UNKL: variants seen among roughly 807,000 people sequenced by gnomAD.
UNKL encodes the protein putative E3 ubiquitin-protein ligase UNKL.
A neutral mutation model predicts 78.0 loss-of-function variants in UNKL; 60 were observed. The observed-to-expected ratio is 0.77, with a 90% CI of 0.63 to 0.95. The LOEUF is 0.95. Among genes scored for constraint, UNKL ranks in the 40% least tolerant of loss-of-function variants. The probability of loss-of-function intolerance (pLI) is 0.00; values close to 1 mark genes in which losing one functional copy is unlikely to be tolerated. For synonymous variants in UNKL, 608 were observed against 474.8 expected (o/e 1.28, Z -3.65); for missense variants, 1,159 against 1,045.7 (o/e 1.11, Z -1.49).
intron 10 of UNKL, chr16:1,379,431 C>A (rs2142054135): frequency 1.0e-6 from 1 of 967,344 alleles, no homozygotes; most frequent in Non-Finnish European, 1.2e-6. Context: ...CCGGCAGAGG[C>A]AGGTTCCGAG....
rs759258903 is a variant in UNKL at position 1,394,483 on chromosome 16, G to A, written c.853-268C>T. On this transcript the variant is annotated intron_variant, in intron 6 of 14. Coordinates refer to ENST00000389221, the MANE Select transcript of UNKL (RefSeq NM_001372107.1). ...CCATCACAGGCAAAGTCATTTCCCC[G>A]CTTGATATTTTCTGAAAGATGCACC... 1.3e-5 allele frequency: 8 copies of A among 638,402 alleles called. No homozygotes were observed. The East Asian group carries it at 1.3e-4, about 10-fold the overall frequency. The allele number at this position is 638,402 out of a possible 1,614,324, so 39.5% of individuals were successfully genotyped here. A position where few individuals can be genotyped will look rare whatever the true frequency, so the allele number is the denominator to read the frequency against.
intron 9 of UNKL, among the ~76,000 whole-genome samples, chr16:1,386,110 G>A (rs2036802176): frequency 6.6e-6 from 1 of 152,208 alleles, no homozygotes; most frequent in Non-Finnish European, 1.5e-5. Flanking sequence ...TCAAAAGCTG[G>A]ATTAGAATGA....
At chr16:1,374,645 C>G (rs1425336627) in intron 10 of UNKL, among the ~76,000 whole-genome samples, 1 of 152,112 alleles carries the variant, frequency 6.6e-6, no homozygotes, top group African/African-American at 2.4e-5. Flanking sequence ...GTCCCGCCCT[C>G]GCAGACCTCC....
intron 10 of UNKL, among the ~76,000 whole-genome samples, chr16:1,380,719 G>C (rs1268386215): frequency 8.4e-6 from 1 of 118,536 alleles, no homozygotes; most frequent in Non-Finnish European, 1.6e-5. Flanking sequence ...CTGTCACCCA[G>C]GCTGGAGTGC....
At chr16:1,402,880 T>C (rs2037590063) in intron 3 of UNKL, among the ~76,000 whole-genome samples, 2 of 150,950 alleles carry the variant, frequency 1.3e-5, no homozygotes, top group East Asian at 2.0e-4. Context: ...TAGTCCCAGC[T>C]ACTCGGGCAG....
chr16:1,390,965 G>C (rs946771218), intron 8 of UNKL, among the ~76,000 whole-genome samples: 1 of 152,124 alleles, frequency 6.6e-6, no homozygotes, highest in African/African-American at 2.4e-5. Context: ...AGGAGGTGGA[G>C]GTTGCAGTGA....
rs566934781 is a variant in UNKL, at chr16:1,412,473, G to A, written c.287+1373C>T. Among the ~76,000 whole-genome samples the A allele has an allele frequency of 4.6e-5, 7 of 152,282 alleles. No homozygotes were observed. In the East Asian group the frequency reaches 9.7e-4, roughly 21 times the overall value. ...TAAAAATACAAAAACTTAGCTAGGC[G>A]TGGTGGCGGGTGCCTGTAATCCCAG... On this transcript the variant is annotated intron_variant, in intron 2 of 14. Transcript: ENST00000389221.
intron 2 of UNKL, among the ~76,000 whole-genome samples, chr16:1,411,590 G>A (rs1596784029): frequency 6.6e-6 from 1 of 152,090 alleles, no homozygotes; most frequent in Non-Finnish European, 1.5e-5. Context: ...ACTTTGGGAC[G>A]CCGAGGCGGG....
chr16:1,389,401 C>T (rs376085826), intron 9 of UNKL, among the ~76,000 whole-genome samples: 1 of 152,068 alleles, frequency 6.6e-6, no homozygotes, highest in East Asian at 1.9e-4. Context: ...GGCTGGGCAA[C>T]CCCATTTCTA....
chr16:1,398,593 C>T lies in UNKL; in HGVS notation c.734+781G>A. ...TCATTCAAAAGAGGCGAGGGTGGCT[C>T]TCTGCTCAAAGGAAGAGCTGGACAC... On this transcript the variant is annotated intron_variant, in intron 5 of 14. Coordinates refer to ENST00000389221, the MANE Select transcript of UNKL (RefSeq NM_001372107.1). The T allele has an allele frequency of 4.2e-6, 6 of 1,416,164 alleles. No individual in the cohort carries two copies. In the South Asian group the frequency reaches 7.5e-5, roughly 18 times the overall value. The allele number at this position is 1,416,164 out of a possible 1,614,324, so 87.7% of individuals were successfully genotyped here. A position where few individuals can be genotyped will look rare whatever the true frequency, so the allele number is the denominator to read the frequency against.
chr16:1,377,243 A>G (rs928518866), intron 10 of UNKL, among the ~76,000 whole-genome samples: 5 of 152,076 alleles, frequency 3.3e-5, no homozygotes, highest in Non-Finnish European at 7.4e-5. Flanking sequence ...GCTGGTCATG[A>G]ACTCCCCACC....
rs139736802 is a variant in UNKL, at chr16:1,407,048, T to C, written c.288-3704A>G. On this transcript the variant is annotated intron_variant, in intron 2 of 14. Coordinates refer to ENST00000389221, the MANE Select transcript of UNKL (RefSeq NM_001372107.1). ...CCTGTAATCCCAGCTACTCGGGAGG[T>C]TGAGGCAGGAGAATCACTTGAACCC... 4.0e-3 allele frequency among the ~76,000 whole-genome samples: 604 copies of C among 150,718 alleles called. 2 individuals are homozygous for C. Among genetic ancestry groups the C allele is most frequent in the African/African-American group, 0.014 (572 of 41,010 alleles).
At position 1,405,936 on chromosome 16, in the gene UNKL, T is replaced by A. The variant is rs183766588; in HGVS notation, c.288-2592A>T. ...CCCAAGGAGGGTCCACCAGACCCCC[T>A]TAACACATTCTCGAGACTGCGAGCC... On this transcript the variant is annotated intron_variant, in intron 2 of 14. Coordinates refer to ENST00000389221, the MANE Select transcript of UNKL (RefSeq NM_001372107.1). 6 of 456,502 alleles carry A rather than the reference T, an allele frequency of 1.3e-5. No homozygotes were observed. In the East Asian group the frequency reaches 4.2e-4, roughly 32 times the overall value. 28.3% of individuals were successfully genotyped at this position (456,502 alleles called of 1,614,324 possible).
chr16:1,394,040 T>A lies in UNKL; in HGVS notation c.937+91A>T, dbSNP rs942290040. The A allele has an allele frequency of 5.9e-6, 8 of 1,354,782 alleles. No homozygotes were observed. The African/African-American group carries it at 1.2e-4, about 20-fold the overall frequency. The allele number at this position is 1,354,782 out of a possible 1,614,324, so 83.9% of individuals were successfully genotyped here. A position where few individuals can be genotyped will look rare whatever the true frequency, so the allele number is the denominator to read the frequency against. On this transcript the variant is annotated intron_variant, in intron 7 of 14. Transcript: ENST00000389221. ...CTCCTGCCCGCCTTCCAGGTCCTCG[T>A]GGGCAGCTCCGGGTCATCGGTAACT...
At chr16:1,393,051 C>T in intron 7 of UNKL, 75 bp from the exon 8 acceptor site, 2 of 1,430,556 alleles carry the variant, frequency 1.4e-6, no homozygotes, top group Non-Finnish European at 1.9e-6. Context: ...CTCCGCACCA[C>T]ACGTCAGGGC....
chr16:1,410,669 G>A (rs971095549), intron 2 of UNKL, among the ~76,000 whole-genome samples: 1 of 152,194 alleles, frequency 6.6e-6, no homozygotes, highest in Non-Finnish European at 1.5e-5. Flanking sequence ...CACACTTCCA[G>A]GACCCCCACA....
In UNKL at chr16:1,366,157, C is replaced by A. The variant is rs1485544827; in HGVS notation, c.*83G>T. 25 of 1,394,766 alleles carry A rather than the reference C, an allele frequency of 1.8e-5. No homozygotes were observed. Among genetic ancestry groups the A allele is most frequent in the African/African-American group, 4.3e-5 (3 of 68,986 alleles). The allele number at this position is 1,394,766 out of a possible 1,614,324, so 86.4% of individuals were successfully genotyped here. ...GCCTCGGTCCTCACGTCGGTGGCACCAGAAGCGAGTGACGACATGTCCGTG... is the reference window on the plus strand; with the variant it reads ...GCCTCGGTCCTCACGTCGGTGGCACAAGAAGCGAGTGACGACATGTCCGTG... On this transcript the variant is annotated 3_prime_UTR_variant, in exon 15 of 15. Coordinates refer to ENST00000389221, the MANE Select transcript of UNKL (RefSeq NM_001372107.1).
At chr16:1,371,142 T>G (rs2141972606) in intron 11 of UNKL, among the ~76,000 whole-genome samples, 1 of 150,136 alleles carries the variant, frequency 6.7e-6, no homozygotes, top group East Asian at 2.0e-4. Context: ...GTCTACAATG[T>G]GAATACATTT....
intron 9 of UNKL, among the ~76,000 whole-genome samples, chr16:1,385,689 G>A (rs1456225216): frequency 6.6e-6 from 1 of 152,248 alleles, no homozygotes; most frequent in African/African-American, 2.4e-5. Context: ...TCTGGCACGT[G>A]CAGAAAGATG....
Sources: allele counts gnomAD v4.1 joint callset (sites outside exome capture counted in the v4.1 genomes callset), GRCh38; gene constraint gnomAD v4.1.1; transcripts MANE v1.5; gene names NCBI Gene and HGNC (gene_info 2026-07-23, HGNC 2026-07-21).